Variants in SLC44A5 observed in about 807,000 individuals in gnomAD.
The protein encoded by SLC44A5 is solute carrier family 44 member 5.
SLC44A5 carries 57 observed loss-of-function variants against 101.8 expected under a neutral mutation model. The observed-to-expected ratio is 0.56, with a 90% CI of 0.45 to 0.70. SLC44A5 has a LOEUF of 0.70. Among genes scored for constraint, SLC44A5 ranks in the 30% least tolerant of loss-of-function variants. The pLI, the probability that SLC44A5 is intolerant of heterozygous loss-of-function variation, is 0.00. For synonymous variants in SLC44A5, 281 were observed against 290.9 expected (o/e 0.97, Z 0.35); for missense variants, 737 against 853.1 (o/e 0.86, Z 1.70).
chr1:75,261,827 C>T (rs543043754), intron 6 of SLC44A5, among the ~76,000 whole-genome samples: 3 of 151,760 alleles, frequency 2.0e-5, no homozygotes, highest in Non-Finnish European at 4.4e-5. Flanking sequence ...ACGAGCAAGT[C>T]AGCTTCATCC....
intron 7 of SLC44A5, among the ~76,000 whole-genome samples, chr1:75,250,708 T>C (rs988516651): frequency 3.9e-5 from 6 of 152,084 alleles, no homozygotes; most frequent in African/African-American, 1.4e-4. Context: ...ATGCATATGA[T>C]GGGGAGGATT....
the SLC44A5 span, among the ~76,000 whole-genome samples, chr1:75,628,018 A>G: frequency 6.6e-6 from 1 of 151,352 alleles, no homozygotes. Context: ...TACGTGGCGA[A>G]ATAAATGACT....
At chr1:75,444,246 G>T (rs1665377096) in intron 2 of SLC44A5, among the ~76,000 whole-genome samples, 1 of 151,452 alleles carries the variant, frequency 6.6e-6, no homozygotes, top group Non-Finnish European at 1.5e-5. Flanking sequence ...GAACCTGGAA[G>T]GTGGAGGTTG....
At chr1:75,375,446 T>C (rs890969858) in intron 3 of SLC44A5, among the ~76,000 whole-genome samples, 3 of 152,222 alleles carry the variant, frequency 2.0e-5, no homozygotes, top group African/African-American at 7.2e-5. Context: ...TCCCCAATTT[T>C]GCGAAAGAAG....
chr1:75,366,815 T>C (rs1659889894), intron 3 of SLC44A5, among the ~76,000 whole-genome samples: 1 of 152,220 alleles, frequency 6.6e-6, no homozygotes, highest in Non-Finnish European at 1.5e-5. Flanking sequence ...GTTTATGCTC[T>C]CTATTAAATT....
At chr1:75,712,207 C>T in the SLC44A5 span, among the ~76,000 whole-genome samples, 5 of 152,304 alleles carry the variant, frequency 3.3e-5, no homozygotes, top group African/African-American at 9.6e-5. Context: ...TAAATCTCAG[C>T]TCCTTCACCT....
At chr1:75,698,104 T>C in the SLC44A5 span, among the ~76,000 whole-genome samples, 1 of 152,126 alleles carries the variant, frequency 6.6e-6, no homozygotes, top group Non-Finnish European at 1.5e-5. Flanking sequence ...CCAGGCTTGC[T>C]TAGGTAAACA....
intron 14 of SLC44A5, among the ~76,000 whole-genome samples, chr1:75,220,447 T>A (rs539663426): frequency 1.3e-5 from 2 of 152,274 alleles, no homozygotes; most frequent in East Asian, 3.9e-4. Context: ...CATTTTACCA[T>A]TTTTTCCACA....
chr1:75,306,153 G>A (rs967966186), intron 4 of SLC44A5, among the ~76,000 whole-genome samples: 5 of 152,144 alleles, frequency 3.3e-5, no homozygotes, highest in Non-Finnish European at 7.4e-5. Context: ...TATGTATATC[G>A]TCTAAGGCTA....
intron 2 of SLC44A5, among the ~76,000 whole-genome samples, chr1:75,515,450 C>T (rs1669779738): frequency 6.6e-6 from 1 of 152,044 alleles, no homozygotes; most frequent in South Asian, 2.1e-4. Flanking sequence ...ACACCTCAGC[C>T]TCTGTAACCA....
chr1:75,639,229 G>A, the SLC44A5 span, among the ~76,000 whole-genome samples: 1 of 152,086 alleles, frequency 6.6e-6, no homozygotes, highest in Non-Finnish European at 1.5e-5. Flanking sequence ...TGATAACTAT[G>A]TGAGGTAATG....
chr1:75,251,141 T>C, intron 7 of SLC44A5, 69 bp downstream of exon 7: 3 of 1,266,610 alleles, frequency 2.4e-6, no homozygotes, highest in Non-Finnish European at 3.4e-6. Flanking sequence ...TCAAATGGAA[T>C]TTCTCAATTC....
intron 2 of SLC44A5, among the ~76,000 whole-genome samples, chr1:75,475,285 T>C (rs569230397): frequency 6.6e-6 from 1 of 152,190 alleles, no homozygotes. Context: ...ACAATCATGA[T>C]AGAAAATTTA....
intron 2 of SLC44A5, among the ~76,000 whole-genome samples, chr1:75,475,959 C>T (rs1001208549): frequency 7.9e-5 from 12 of 152,082 alleles, no homozygotes; most frequent in Non-Finnish European, 1.2e-4. Flanking sequence ...CCGAGGTGGG[C>T]GGATCATGAG....
intron 2 of SLC44A5, among the ~76,000 whole-genome samples, chr1:75,479,660 A>T (rs1245435292): frequency 2.2e-3 from 278 of 128,752 alleles, no homozygotes; most frequent in African/African-American, 5.1e-3. Context: ...GAAGAAATGG[A>T]TAAATTCCTT....
At chr1:75,682,083 C>T in the SLC44A5 span, among the ~76,000 whole-genome samples, 14 of 152,228 alleles carry the variant, frequency 9.2e-5, no homozygotes, top group South Asian at 2.1e-4. Context: ...AACTACAAAC[C>T]GCTGCTGAAG....
chr1:75,605,289 T>C (rs1477474920), intron 1 of SLC44A5, among the ~76,000 whole-genome samples: 1 of 152,080 alleles, frequency 6.6e-6, no homozygotes, highest in East Asian at 1.9e-4. Context: ...ACTTAGGACC[T>C]GTTCTGAGTT....
chr1:75,546,005 C>T (rs1260387969), intron 1 of SLC44A5, among the ~76,000 whole-genome samples: 1 of 151,270 alleles, frequency 6.6e-6, no homozygotes, highest in Non-Finnish European at 1.5e-5. Context: ...TTTTTTTTGC[C>T]CAGATGGGGT....
chr1:75,631,904 C>CA, the SLC44A5 span, among the ~76,000 whole-genome samples: 1 of 152,054 alleles, frequency 6.6e-6, no homozygotes, highest in African/African-American at 2.4e-5. Flanking sequence ...TGAGCTCAAA[C>CA]AATCTGCCAG....
Sources: allele counts gnomAD v4.1 joint callset (sites outside exome capture counted in the v4.1 genomes callset), GRCh38; gene constraint gnomAD v4.1.1; transcripts MANE v1.5; gene names NCBI Gene and HGNC (gene_info 2026-07-23, HGNC 2026-07-21).